Variants in CSMD1 observed in about 807,000 individuals in gnomAD.
The protein encoded by CSMD1 is CUB and Sushi multiple domains 1.
In CSMD1, 213 loss-of-function variants were observed where a neutral mutation model predicts 417.5. The ratio of observed to expected loss-of-function variants is 0.51; its 90% confidence interval spans 0.46 to 0.57. CSMD1 has a LOEUF of 0.57. Among genes scored for constraint, CSMD1 ranks in the 20% least tolerant of loss-of-function variants. CSMD1 has a pLI of 0.00. For missense variants in CSMD1, 6,923 were observed against 4,529.7 expected, an observed-to-expected ratio of 1.53 and a Z score of -15.17; for synonymous variants, 2,862 against 1,736.8, an observed-to-expected ratio of 1.65 and a Z score of -16.11.
chr8:3,472,832 G>GT (rs540004073), intron 11 of CSMD1, among the ~76,000 whole-genome samples: 5,123 of 149,336 alleles, frequency 0.034, 277 homozygotes, highest in East Asian at 0.18. Flanking sequence ...AATCTCCTAA[G>GT]TTTTTTTTTT....
At chr8:4,478,833 T>A (rs1800938652) in intron 2 of CSMD1, among the ~76,000 whole-genome samples, 1 of 152,238 alleles carries the variant, frequency 6.6e-6, no homozygotes, top group Non-Finnish European at 1.5e-5. Context: ...ATATTTCATA[T>A]GCTTTGACAT....
chr8:4,295,442 A>T (rs1797622775), intron 3 of CSMD1, among the ~76,000 whole-genome samples: 1 of 144,464 alleles, frequency 6.9e-6, no homozygotes, highest in Non-Finnish European at 1.5e-5. Flanking sequence ...AGATATATAT[A>T]ATCTTATTAT....
chr8:4,320,064 G>A (rs182419650), intron 3 of CSMD1, among the ~76,000 whole-genome samples: 7 of 152,202 alleles, frequency 4.6e-5, no homozygotes, highest in South Asian at 2.1e-4. Context: ...AAAAGACTTC[G>A]TTGGTTTTAC....
In CSMD1 at chr8:2,938,494, G is replaced by A; in HGVS notation, c.*91C>T. Reference sequence around the variant, plus strand: ...TGAAGATCGCTGCAGTAAAGCCAGAGTGGAAGGGAGAGTGGTATATGGCAC... The same window carrying A: ...TGAAGATCGCTGCAGTAAAGCCAGAATGGAAGGGAGAGTGGTATATGGCAC... On this transcript the variant is annotated 3_prime_UTR_variant, in exon 70 of 70. Coordinates refer to ENST00000635120, the MANE Select transcript of CSMD1 (RefSeq NM_033225.6). 2.4e-6 allele frequency: 3 copies of A among 1,270,170 alleles called. No homozygotes were observed. The highest frequency in any genetic ancestry group is 3.3e-6 in the Non-Finnish European group (3 of 918,892). 78.7% of individuals were successfully genotyped at this position (1,270,170 alleles called of 1,614,324 possible). A position where few individuals can be genotyped will look rare whatever the true frequency, so the allele number is the denominator to read the frequency against.
intron 3 of CSMD1, among the ~76,000 whole-genome samples, chr8:4,295,750 GTATATATATATA>G (rs756556655): frequency 0.034 from 1,152 of 34,228 alleles, 22 homozygotes; most frequent in Admixed American, 0.054. Flanking sequence ...ATGTGTGTGT[GTATATATATATA>G]TATATATATA....
chr8:3,590,979 C>T (rs2449180), intron 8 of CSMD1, among the ~76,000 whole-genome samples: 131,731 of 152,198 alleles, frequency 0.87, 57,332 homozygotes, highest in African/African-American at 0.9. Flanking sequence ...GATATAACAT[C>T]AGATAATCTA....
chr8:3,232,846 T>C (rs1454165766), intron 26 of CSMD1, among the ~76,000 whole-genome samples: 1 of 152,098 alleles, frequency 6.6e-6, no homozygotes, highest in Admixed American at 6.5e-5. Flanking sequence ...TTCTAGAAAT[T>C]TCAGTATGTA....
intron 3 of CSMD1, among the ~76,000 whole-genome samples, chr8:4,286,851 A>ATG (rs1044105029): frequency 4.6e-5 from 7 of 152,128 alleles, no homozygotes; most frequent in African/African-American, 1.7e-4. Context: ...TTATTAGGAG[A>ATG]TGTGCACTAA....
At chr8:3,423,836 C>A (rs998687224) in intron 12 of CSMD1, among the ~76,000 whole-genome samples, 1 of 152,206 alleles carries the variant, frequency 6.6e-6, no homozygotes, top group Non-Finnish European at 1.5e-5. Context: ...CTCCTCACAA[C>A]TGGGATGGTG....
At chr8:4,207,711 A>T (rs969299745) in intron 3 of CSMD1, among the ~76,000 whole-genome samples, 3 of 152,244 alleles carry the variant, frequency 2.0e-5, no homozygotes, top group African/African-American at 7.2e-5. Flanking sequence ...TTTTCTGATG[A>T]GTGTATTAAT....
At chr8:4,554,036 A>C (rs745414354) in intron 2 of CSMD1, among the ~76,000 whole-genome samples, 1 of 152,228 alleles carries the variant, frequency 6.6e-6, no homozygotes, top group Non-Finnish European at 1.5e-5. Context: ...CCAGTGTTCC[A>C]CATTATATCC....
chr8:4,144,320 G>C (rs983414718), intron 3 of CSMD1, among the ~76,000 whole-genome samples: 1 of 151,048 alleles, frequency 6.6e-6, no homozygotes. Flanking sequence ...ACATGTCCTG[G>C]CCATATTCAT....
intron 5 of CSMD1, among the ~76,000 whole-genome samples, chr8:3,755,611 C>T (rs1250730557): frequency 2.0e-5 from 3 of 152,064 alleles, no homozygotes; most frequent in African/African-American, 7.2e-5. Flanking sequence ...AATGGGTCAC[C>T]TGTGTAGAGA....
chr8:3,862,009 C>T (rs1261100680), intron 5 of CSMD1, among the ~76,000 whole-genome samples: 1 of 152,120 alleles, frequency 6.6e-6, no homozygotes, highest in Non-Finnish European at 1.5e-5. Context: ...CATCTAAAAC[C>T]AACACAATCA....
chr8:3,808,169 AT>A (rs1312513231), intron 5 of CSMD1, among the ~76,000 whole-genome samples: 3 of 152,222 alleles, frequency 2.0e-5, no homozygotes, highest in Non-Finnish European at 4.4e-5. Flanking sequence ...AATTAAAAAA[AT>A]GTAACCTATT....
At chr8:3,600,837 G>A (rs897916332) in intron 8 of CSMD1, among the ~76,000 whole-genome samples, 1 of 152,040 alleles carries the variant, frequency 6.6e-6, no homozygotes, top group Non-Finnish European at 1.5e-5. Context: ...TCATATGCAT[G>A]TTTTGCAATA....
At chr8:3,135,241 A>C (rs1434154511) in intron 41 of CSMD1, among the ~76,000 whole-genome samples, 1 of 152,192 alleles carries the variant, frequency 6.6e-6, no homozygotes, top group Non-Finnish European at 1.5e-5. Flanking sequence ...ACCAACTAAT[A>C]ATACTTCTGC....
At chr8:4,141,307 G>A (rs1471736963) in intron 3 of CSMD1, among the ~76,000 whole-genome samples, 1 of 151,092 alleles carries the variant, frequency 6.6e-6, no homozygotes, top group African/African-American at 2.5e-5. Flanking sequence ...TTCCCAAGAT[G>A]GAAATTAAGG....
intron 3 of CSMD1, among the ~76,000 whole-genome samples, chr8:4,295,977 C>A (rs1226183748): frequency 1.3e-5 from 2 of 151,522 alleles, no homozygotes; most frequent in African/African-American, 2.4e-5. Flanking sequence ...CTGAAAAAAA[C>A]AAACAAAAAC....
Sources: gnomAD v4.1 joint callset for allele counts (sites outside exome capture counted in the v4.1 genomes callset) on GRCh38, gnomAD v4.1.1 for gene constraint, MANE v1.5 for transcripts, NCBI Gene and HGNC (gene_info 2026-07-23, HGNC 2026-07-21) for gene names.